Variants in NCAM2 observed in about 807,000 individuals in gnomAD.
NCAM2 encodes the protein neural cell adhesion molecule 2.
A neutral mutation model predicts 98.1 loss-of-function variants in NCAM2; 30 were observed. The observed-to-expected ratio is 0.31, with a 90% CI of 0.23 to 0.41. The LOEUF is 0.41. NCAM2 is among the 10% of genes least tolerant of loss of function. NCAM2 has a pLI of 1.00. For synonymous variants in NCAM2, 368 were observed against 342.4 expected, an observed-to-expected ratio of 1.07 and a Z score of -0.83; for missense variants, 867 against 1,005.8, an observed-to-expected ratio of 0.86 and a Z score of 1.87.
At chr21:21,243,903 A>T (rs573313501) in intron 1 of NCAM2, among the ~76,000 whole-genome samples, 5 of 152,216 alleles carry the variant, frequency 3.3e-5, no homozygotes, top group Admixed American at 3.3e-4. Context: ...ATAAACAGCC[A>T]TGATTCTAGT....
intron 1 of NCAM2, among the ~76,000 whole-genome samples, chr21:21,167,754 T>C (rs2067997986): frequency 6.6e-6 from 1 of 152,118 alleles, no homozygotes; most frequent in African/African-American, 2.4e-5. Flanking sequence ...GACACAATCT[T>C]CCAGAACTCA....
chr21:21,245,310 A>G (rs2071222014), intron 1 of NCAM2, among the ~76,000 whole-genome samples: 1 of 152,096 alleles, frequency 6.6e-6, no homozygotes, highest in Non-Finnish European at 1.5e-5. Flanking sequence ...TTGTAATTCC[A>G]CAAACTTTTC....
intron 1 of NCAM2, among the ~76,000 whole-genome samples, chr21:21,271,380 A>T (rs1310469595): frequency 6.6e-6 from 1 of 152,188 alleles, no homozygotes; most frequent in African/African-American, 2.4e-5. Context: ...AAAATTTCAT[A>T]TGTGTTAAGT....
intron 1 of NCAM2, among the ~76,000 whole-genome samples, chr21:21,236,146 T>C (rs1356208034): frequency 6.9e-6 from 1 of 144,458 alleles, no homozygotes; most frequent in East Asian, 2.0e-4. Context: ...CTATGAAACT[T>C]CCCTGATTAT....
intron 6 of NCAM2, among the ~76,000 whole-genome samples, chr21:21,332,647 C>T (rs1025726471): frequency 6.6e-6 from 1 of 152,152 alleles, no homozygotes; most frequent in African/African-American, 2.4e-5. Flanking sequence ...GTTGTCTGTG[C>T]AGCTGTCTTC....
chr21:21,175,173 A>G (rs758931570), intron 1 of NCAM2, among the ~76,000 whole-genome samples: 5 of 152,156 alleles, frequency 3.3e-5, no homozygotes, highest in East Asian at 1.9e-4. Flanking sequence ...ACTGGGAAAC[A>G]AGTCAAGATG....
At chr21:21,106,717 A>T (rs528610850) in intron 1 of NCAM2, among the ~76,000 whole-genome samples, 1 of 151,950 alleles carries the variant, frequency 6.6e-6, no homozygotes, top group African/African-American at 2.4e-5. Flanking sequence ...TACACTGATC[A>T]TTAATAAAAA....
At chr21:21,007,176 T>C (rs1299447537) in intron 1 of NCAM2, among the ~76,000 whole-genome samples, 1 of 152,214 alleles carries the variant, frequency 6.6e-6, no homozygotes, top group Non-Finnish European at 1.5e-5. Context: ...TATAGTATAA[T>C]ATGAATAGGT....
intron 1 of NCAM2, among the ~76,000 whole-genome samples, chr21:21,155,746 A>G (rs1271572879): frequency 6.6e-6 from 1 of 151,982 alleles, no homozygotes. Context: ...TAATTGCAGC[A>G]CAATTTAGTT....
At chr21:21,045,685 C>T (rs2071769459) in intron 1 of NCAM2, among the ~76,000 whole-genome samples, 2 of 152,056 alleles carry the variant, frequency 1.3e-5, no homozygotes, top group African/African-American at 2.4e-5. Context: ...GTTAGTGGAG[C>T]ACATGAGTCA....
chr21:21,271,791 T>G (rs2147433284), intron 1 of NCAM2, among the ~76,000 whole-genome samples: 1 of 152,264 alleles, frequency 6.6e-6, no homozygotes, highest in Admixed American at 6.5e-5. Flanking sequence ...CCTGATAGTT[T>G]ACTATTTTTT....
At chr21:21,382,216 G>A (rs1296454239) in intron 9 of NCAM2, among the ~76,000 whole-genome samples, 1 of 152,116 alleles carries the variant, frequency 6.6e-6, no homozygotes, top group Non-Finnish European at 1.5e-5. Context: ...CTTCTGGAAT[G>A]TGGGGATTTA....
chr21:21,467,428 T>TATATATATATATCTTTA (rs1555902035), intron 13 of NCAM2, among the ~76,000 whole-genome samples: 7,744 of 140,670 alleles, frequency 0.055, 310 homozygotes, highest in African/African-American at 0.1. Flanking sequence ...ATATATCTTT[T>TATATATATATATCTTTA]TATATATATA....
At chr21:21,120,719 G>GTTTTTTTTTTTTTTTTTTTTTT (rs56905252) in intron 1 of NCAM2, among the ~76,000 whole-genome samples, 1 of 142,250 alleles carries the variant, frequency 7.0e-6, no homozygotes, top group Non-Finnish European at 1.5e-5. Flanking sequence ...TTTTTTGTGG[G>GTTTTTTTTTTTTTTTTTTTTTT]TTTTTTTTTT....
At chr21:21,461,050 T>A (rs979197548) in intron 12 of NCAM2, among the ~76,000 whole-genome samples, 30 of 152,024 alleles carry the variant, frequency 2.0e-4, no homozygotes, top group African/African-American at 7.0e-4. Context: ...TCTGACATCA[T>A]GAAGATATTT....
At chr21:21,237,522 C>T (rs1456283324) in intron 1 of NCAM2, among the ~76,000 whole-genome samples, 1 of 152,000 alleles carries the variant, frequency 6.6e-6, no homozygotes, top group African/African-American at 2.4e-5. Context: ...TTTAAATGAT[C>T]TTTTAGCTTA....
chr21:21,419,759 A>G (rs2849932), intron 11 of NCAM2, among the ~76,000 whole-genome samples: 50,190 of 151,694 alleles, frequency 0.33, 8,621 homozygotes, highest in East Asian at 0.62. Context: ...CCAGTCTATC[A>G]TTGCTGGACA....
At chr21:21,058,149 A>T (rs1441617152) in intron 1 of NCAM2, among the ~76,000 whole-genome samples, 1 of 4,132 alleles carries the variant, frequency 2.4e-4, no homozygotes, top group African/African-American at 3.3e-4. Flanking sequence ...CTCTTCAAAA[A>T]AAAAAAAAAA....
chr21:21,424,727 AT>A (rs1378304265), intron 11 of NCAM2, among the ~76,000 whole-genome samples: 6 of 152,028 alleles, frequency 3.9e-5, no homozygotes, highest in Admixed American at 3.9e-4. Context: ...TAAGTTATAG[AT>A]CTTAAAAACA....
Sources: gnomAD v4.1 joint callset for allele counts (sites outside exome capture counted in the v4.1 genomes callset) on GRCh38, gnomAD v4.1.1 for gene constraint, MANE v1.5 for transcripts, NCBI Gene and HGNC (gene_info 2026-07-23, HGNC 2026-07-21) for gene names.